Variants in ACBD5 observed in about 807,000 individuals in gnomAD.
ACBD5 encodes acyl-CoA binding domain containing 5, also known as acyl-CoA-binding domain-containing protein 5.
A neutral mutation model predicts 71.8 loss-of-function variants in ACBD5; 40 were observed. That is an observed-to-expected ratio of 0.56 (90% CI 0.43 to 0.72). The LOEUF is 0.72. Among genes scored for constraint, ACBD5 ranks in the 30% least tolerant of loss-of-function variants. The probability of loss-of-function intolerance (pLI) is 0.00; values close to 1 mark genes in which losing one functional copy is unlikely to be tolerated. For synonymous variants in ACBD5, 229 were observed against 218.6 expected (o/e 1.05, Z -0.42); for missense variants, 559 against 644.5 (o/e 0.87, Z 1.44).
chr10:27,216,588 T>G (rs2061661690), intron 7 of ACBD5, among the ~76,000 whole-genome samples: 1 of 152,232 alleles, frequency 6.6e-6, no homozygotes. Context: ...TGTTCCATTT[T>G]CAAAATTCAT....
At chr10:27,190,116 C>T (rs1022006693) in intron 13 of ACBD5, among the ~76,000 whole-genome samples, 2 of 152,198 alleles carry the variant, frequency 1.3e-5, no homozygotes, top group African/African-American at 2.4e-5. Flanking sequence ...AAAACCCCGT[C>T]TCTACTAAAA....
intron 2 of ACBD5, among the ~76,000 whole-genome samples, chr10:27,238,128 G>A (rs2064994819): frequency 6.6e-6 from 1 of 151,820 alleles, no homozygotes; most frequent in Admixed American, 6.6e-5. Context: ...TGTATTTTTA[G>A]TAGAGACGGG....
intron 13 of ACBD5, chr10:27,186,872 T>G (rs1324681834): frequency 6.2e-6 from 2 of 325,124 alleles, no homozygotes; most frequent in Middle Eastern, 1.0e-3. Flanking sequence ...CTGATTTCAG[T>G]TCACTGTTCA....
At chr10:27,211,680 T>A (rs2061093792) in intron 8 of ACBD5, among the ~76,000 whole-genome samples, 1 of 151,708 alleles carries the variant, frequency 6.6e-6, no homozygotes, top group Non-Finnish European at 1.5e-5. Context: ...CTTACCTTAT[T>A]CTTAGAGATT....
At chr10:27,185,145 G>A (rs2058603494) in intron 13 of ACBD5, among the ~76,000 whole-genome samples, 1 of 152,190 alleles carries the variant, frequency 6.6e-6, no homozygotes, top group Non-Finnish European at 1.5e-5. Flanking sequence ...GGAAGAAAGG[G>A]AGAAGGGGGT....
intron 5 of ACBD5, among the ~76,000 whole-genome samples, chr10:27,221,733 G>C (rs983434172): frequency 7.3e-5 from 11 of 151,668 alleles, no homozygotes; most frequent in Admixed American, 7.2e-4. Flanking sequence ...GGCCCACATG[G>C]CAAAACCCTG....
At chr10:27,216,164 G>T (rs916022679) in intron 7 of ACBD5, among the ~76,000 whole-genome samples, 12 of 150,838 alleles carry the variant, frequency 8.0e-5, no homozygotes, top group Non-Finnish European at 1.5e-4. Flanking sequence ...TTTTTGAGAT[G>T]GAGTCTCGTT....
rs1051754106 is a variant in ACBD5, at chr10:27,204,615, C to G, written c.1456-66G>C. The G allele has an allele frequency of 2.7e-6, 3 of 1,121,668 alleles. No individual in the cohort carries two copies. In the Admixed American group the frequency reaches 5.6e-5, roughly 21 times the overall value. 69.5% of individuals were successfully genotyped at this position (1,121,668 alleles called of 1,614,324 possible). A position where few individuals can be genotyped will look rare whatever the true frequency, so the allele number is the denominator to read the frequency against. On this transcript the variant is annotated intron_variant, in intron 11 of 12. Coordinates refer to ENST00000396271, the MANE Select transcript of ACBD5 (RefSeq NM_145698.5). Reference sequence around the variant, plus strand: ...CTGCATGTATAAACTTAAAAACATACCTAATTCATAATTTTGAAAGTAGAA... The same window carrying G: ...CTGCATGTATAAACTTAAAAACATAGCTAATTCATAATTTTGAAAGTAGAA...
At chr10:27,201,663 C>T (rs1032035023) in intron 12 of ACBD5, among the ~76,000 whole-genome samples, 2 of 151,940 alleles carry the variant, frequency 1.3e-5, no homozygotes, top group East Asian at 1.9e-4. Context: ...ATTAGCTGGG[C>T]GTGGTGGCAC....
At chr10:27,236,993 A>G (rs1589400356) in intron 2 of ACBD5, among the ~76,000 whole-genome samples, 4 of 152,224 alleles carry the variant, frequency 2.6e-5, no homozygotes, top group South Asian at 4.1e-4. Context: ...TCAAATCACT[A>G]TAATAATTAT....
intron 13 of ACBD5, among the ~76,000 whole-genome samples, chr10:27,189,362 T>C (rs903238466): frequency 6.6e-6 from 1 of 152,228 alleles, no homozygotes; most frequent in South Asian, 2.1e-4. Context: ...AATTTGTGGC[T>C]GGGCATAGTG....
Position 27,235,029 on chromosome 10 carries a change from T to C in ACBD5, c.302+63A>G, listed in dbSNP as rs2138331874. 6.7e-6 allele frequency: 10 copies of C among 1,497,198 alleles called. 1 individual carries two copies. The highest frequency in any genetic ancestry group is 2.3e-5 in the East Asian group (1 of 43,800). 92.7% of individuals were successfully genotyped at this position (1,497,198 alleles called of 1,614,324 possible). ...GAATAATATATAACCACTTAAGTAA[T>C]AGCCATATGATAATTATGTCATTAA... On this transcript the variant is annotated intron_variant, in intron 3 of 12. Transcript: ENST00000396271.
chr10:27,230,098 TAA>T (rs11375772), intron 4 of ACBD5, among the ~76,000 whole-genome samples: 30 of 143,988 alleles, frequency 2.1e-4, no homozygotes, highest in Admixed American at 7.6e-4. Context: ...AAATTTAAGG[TAA>T]AAAAAAAAAA....
chr10:27,194,566 C>G (rs2059225104), downstream of ACBD5, among the ~76,000 whole-genome samples: 1 of 150,152 alleles, frequency 6.7e-6, no homozygotes, highest in African/African-American at 2.4e-5. Context: ...AAGCTGAGAT[C>G]ACACCACTGC....
chr10:27,238,223 T>C (rs7917207), intron 2 of ACBD5, among the ~76,000 whole-genome samples: 117,898 of 152,042 alleles, frequency 0.78, 45,959 homozygotes, highest in African/African-American at 0.86. Flanking sequence ...AGCATCAGCC[T>C]GCCTCGGCCT....
chr10:27,190,640 T>A (rs2059038964), downstream of ACBD5, among the ~76,000 whole-genome samples: 1 of 2,066 alleles, frequency 4.8e-4, no homozygotes, highest in Non-Finnish European at 7.4e-3. Flanking sequence ...GTCCAGAATA[T>A]AGTACAAATA....
At chr10:27,234,637 G>C (rs1202979261) in intron 3 of ACBD5, among the ~76,000 whole-genome samples, 2 of 152,018 alleles carry the variant, frequency 1.3e-5, no homozygotes, top group African/African-American at 4.8e-5. Context: ...ATTGTACTAA[G>C]AGCACCTGGG....
intron 13 of ACBD5, among the ~76,000 whole-genome samples, chr10:27,185,282 T>C (rs750734280): frequency 7.2e-5 from 11 of 152,078 alleles, no homozygotes; most frequent in Non-Finnish European, 1.3e-4. Context: ...ATGGAAGGTT[T>C]ATCAAGGAGC....
Position 27,208,242 on chromosome 10 carries a change from T to C in ACBD5, c.1404+4A>G, listed in dbSNP as rs561228953. On this transcript the variant is annotated splice_donor_region_variant and intron_variant, in intron 10 of 12. Transcript: ENST00000396271. The stretch of plus-strand genomic sequence containing the variant: ...AAGAAGGTATGATACATTTGGAAGT[T>C]TACCTGCAAAGCAGTCAGCGTTTCC... 4 of 1,614,112 alleles carry C rather than the reference T, an allele frequency of 2.5e-6. No homozygotes were observed. The highest frequency in any genetic ancestry group is 3.4e-6 in the Non-Finnish European group (4 of 1,179,956).
Sources: gnomAD v4.1 joint callset for allele counts (sites outside exome capture counted in the v4.1 genomes callset) on GRCh38, gnomAD v4.1.1 for gene constraint, MANE v1.5 for transcripts, NCBI Gene and HGNC (gene_info 2026-07-23, HGNC 2026-07-21) for gene names.